The following KLF12 variants were observed in gnomAD, a reference collection of about 807,000 sequenced individuals.
KLF12 encodes Krueppel-like factor 12.
Under a neutral mutation model 37.8 loss-of-function variants are expected in KLF12, and 9 were observed. The observed-to-expected ratio is 0.24, with a 90% confidence interval of 0.14 to 0.42. The LOEUF is 0.42. KLF12 is among the 10% of genes least tolerant of loss of function. The pLI, the probability that KLF12 is intolerant of heterozygous loss-of-function variation, is 1.00. For missense variants in KLF12, 411 were observed against 516.0 expected (o/e 0.80, Z 1.97); for synonymous variants, 208 against 202.1 (o/e 1.03, Z -0.25).
chr13:73,968,003 T>C (rs554535118), intron 2 of KLF12, among the ~76,000 whole-genome samples: 1 of 152,286 alleles, frequency 6.6e-6, no homozygotes, highest in Admixed American at 6.5e-5. Context: ...GGTCATGTTC[T>C]TTTTATAGAT....
At chr13:73,822,899 C>T (rs1017712482) in intron 4 of KLF12, among the ~76,000 whole-genome samples, 2 of 152,176 alleles carry the variant, frequency 1.3e-5, no homozygotes, top group African/African-American at 4.8e-5. Context: ...TAACCTTTGC[C>T]TTTTGTTCAT....
At chr13:74,231,855 T>C in the KLF12 span, 2 of 152,210 alleles carry the variant, frequency 1.3e-5, no homozygotes, top group Non-Finnish European at 2.9e-5. Context: ...GATGGGCTAC[T>C]GTCTAGGAAG....
chr13:74,078,572 T>C (rs1291159918), intron 1 of KLF12, among the ~76,000 whole-genome samples: 2 of 152,244 alleles, frequency 1.3e-5, no homozygotes, highest in Non-Finnish European at 2.9e-5. Context: ...TTTCCATAAT[T>C]GTGTGATGAT....
intron 1 of KLF12, among the ~76,000 whole-genome samples, chr13:74,041,688 A>T (rs981182421): frequency 5.2e-5 from 6 of 114,714 alleles, no homozygotes; most frequent in African/African-American, 2.1e-4. Flanking sequence ...CAGATCGCTG[A>T]TTTACACACA....
chr13:73,874,402 A>G (rs1474904090), intron 3 of KLF12, among the ~76,000 whole-genome samples: 3 of 152,222 alleles, frequency 2.0e-5, no homozygotes, highest in Non-Finnish European at 4.4e-5. Context: ...CATAAATTAG[A>G]AAAGATTATA....
chr13:74,245,091 G>A, the KLF12 span, among the ~76,000 whole-genome samples: 1 of 152,198 alleles, frequency 6.6e-6, no homozygotes, highest in Non-Finnish European at 1.5e-5. Context: ...GTACCAGTTG[G>A]ATGGCTAGAG....
chr13:73,853,391 C>T (rs1885437894), intron 3 of KLF12, among the ~76,000 whole-genome samples: 1 of 152,066 alleles, frequency 6.6e-6, no homozygotes, highest in South Asian at 2.1e-4. Flanking sequence ...TGTGTGATGA[C>T]TTTAGGTTGG....
rs189843777 is a variant in KLF12, at chr13:73,905,666, T to C, written c.123+38315A>G. ...ATTGCAGTACACACATAAAAGCAGA[T>C]AACATGGTGAAATACTGCACTGAAA... On this transcript the variant is annotated intron_variant, in intron 3 of 7. Transcript: ENST00000377669. 1.9e-4 allele frequency among the ~76,000 whole-genome samples: 29 copies of C among 151,988 alleles called. 1 individual carries two copies. The highest frequency in any genetic ancestry group is 6.8e-4 in the African/African-American group (28 of 41,316).
chr13:74,068,523 A>G (rs1446630017), intron 1 of KLF12, among the ~76,000 whole-genome samples: 1 of 148,452 alleles, frequency 6.7e-6, no homozygotes, highest in African/African-American at 2.5e-5. Flanking sequence ...TAGAAGATGT[A>G]TTTTTTACGT....
At chr13:74,181,457 C>A in the KLF12 span, among the ~76,000 whole-genome samples, 1 of 150,244 alleles carries the variant, frequency 6.7e-6, no homozygotes, top group South Asian at 2.1e-4. Context: ...CGGAGGCAGG[C>A]GGATCACTTG....
the KLF12 span, among the ~76,000 whole-genome samples, chr13:74,222,425 G>C: frequency 6.6e-6 from 1 of 152,176 alleles, no homozygotes; most frequent in Non-Finnish European, 1.5e-5. Context: ...ACATGAGTGT[G>C]TTTCTGGGAT....
chr13:74,143,772 G>C, the KLF12 span, among the ~76,000 whole-genome samples: 1 of 152,156 alleles, frequency 6.6e-6, no homozygotes, highest in Non-Finnish European at 1.5e-5. Context: ...TACCTTGAGT[G>C]CCCATACAAC....
intron 1 of KLF12, among the ~76,000 whole-genome samples, chr13:74,130,895 A>C (rs969670569): frequency 1.3e-5 from 2 of 152,172 alleles, no homozygotes; most frequent in Non-Finnish European, 2.9e-5. Context: ...ACCATTTGAC[A>C]CTCCAATTTA....
At chr13:73,923,651 A>G (rs901169191) in intron 3 of KLF12, among the ~76,000 whole-genome samples, 9 of 152,176 alleles carry the variant, frequency 5.9e-5, no homozygotes, top group Non-Finnish European at 7.3e-5. Flanking sequence ...CAGAAGCCCA[A>G]TGAACCAGGG....
the KLF12 span, among the ~76,000 whole-genome samples, chr13:74,145,093 C>G: frequency 1.3e-5 from 2 of 151,974 alleles, no homozygotes; most frequent in Non-Finnish European, 2.9e-5. Context: ...AAAAATAAAA[C>G]AGTTCATGGA....
At position 73,823,267 on chromosome 13, in the gene KLF12, A is replaced by T. The variant is rs571502526; in HGVS notation, c.671-9980T>A. 9.2e-5 allele frequency among the ~76,000 whole-genome samples: 14 copies of T among 152,182 alleles called. No homozygotes were observed. In the South Asian group the frequency reaches 2.7e-3, roughly 29 times the overall value. On this transcript the variant is annotated intron_variant, in intron 4 of 7. Coordinates refer to ENST00000377669, the MANE Select transcript of KLF12 (RefSeq NM_007249.5). ...AGTCTTAGGTACTTTAAATGTAAGA[A>T]ATACTTAAAAAAAAAAAAGAGCAAA...
chr13:74,152,338 G>A, the KLF12 span, among the ~76,000 whole-genome samples: 4 of 152,074 alleles, frequency 2.6e-5, no homozygotes, highest in Admixed American at 1.3e-4. Context: ...TTCCTTTCCA[G>A]GCAAAGTATG....
chr13:74,282,214 G>C, the KLF12 span, among the ~76,000 whole-genome samples: 1 of 152,264 alleles, frequency 6.6e-6, no homozygotes, highest in East Asian at 1.9e-4. Flanking sequence ...CTGTGAAGGA[G>C]GGCATATTTT....
At chr13:74,025,563 TAA>T (rs113282471) in intron 1 of KLF12, among the ~76,000 whole-genome samples, 48 of 140,118 alleles carry the variant, frequency 3.4e-4, no homozygotes, top group Admixed American at 2.9e-4. Flanking sequence ...TGTTCAGAGT[TAA>T]AAAAAAAAAA....
Sources: gnomAD v4.1 joint callset for allele counts (sites outside exome capture counted in the v4.1 genomes callset) on GRCh38, gnomAD v4.1.1 for gene constraint, MANE v1.5 for transcripts, NCBI Gene and HGNC (gene_info 2026-07-23, HGNC 2026-07-21) for gene names.